Variants in ARL10 observed in about 807,000 individuals in gnomAD.
ARL10 encodes ARF like GTPase 10.
A neutral mutation model predicts 26.1 loss-of-function variants in ARL10; 23 were observed. That is an observed-to-expected ratio of 0.88 (90% CI 0.63 to 1.25). ARL10 has a LOEUF of 1.25. Ranked by LOEUF, ARL10 falls within the 50% of genes most tolerant of loss-of-function variation. The pLI, the probability that ARL10 is intolerant of heterozygous loss-of-function variation, is 0.00. For missense variants in ARL10, 300 were observed against 323.6 expected (o/e 0.93, Z 0.56); for synonymous variants, 138 against 149.1 (o/e 0.93, Z 0.54).
chr5:176,393,380 C>T (rs1756344530), downstream of ARL10, among the ~76,000 whole-genome samples: 1 of 152,224 alleles, frequency 6.6e-6, no homozygotes, highest in African/African-American at 2.4e-5. The surrounding 1 kb of genome is among the most constrained non-coding windows in gnomAD (Gnocchi z 4.4). Flanking sequence ...AAAAACTTGG[C>T]AGAAGTAGGA....
intron 3 of ARL10, chr5:176,369,221 G>C: frequency 6.7e-7 from 1 of 1,498,694 alleles, no homozygotes; most frequent in Non-Finnish European, 8.9e-7. Context: ...CTATATGCCA[G>C]GCATGGTGTT....
At chr5:176,369,728 G>A (rs1768473673) in intron 3 of ARL10, among the ~76,000 whole-genome samples, 1 of 152,070 alleles carries the variant, frequency 6.6e-6, no homozygotes. Flanking sequence ...GGCCAAGGAA[G>A]GTGGATCATT....
In ARL10 at chr5:176,394,671, C is replaced by T. The variant is rs375241427; in HGVS notation, c.134-7070C>T. ...CTACTAAAAAATACACAAAATTAGC[C>T]GGGCATGGTGGCGGGCACCTGTAGT... On this transcript the variant is annotated intron_variant, in intron 1 of 1. Transcript: ENST00000514533. Among the ~76,000 whole-genome samples, 148 of 152,140 alleles carry T rather than the reference C, an allele frequency of 9.7e-4. 1 individual carries two copies. The highest frequency in any genetic ancestry group is 3.2e-3 in the African/African-American group (134 of 41,514).
At position 176,388,595 on chromosome 5, in the gene ARL10, G is replaced by T. The variant is rs892294018; in HGVS notation, c.*97G>T. 7 of 1,514,742 alleles carry T rather than the reference G, an allele frequency of 4.6e-6. No homozygotes were observed. The African/African-American group carries it at 6.9e-5, about 15-fold the overall frequency. The allele number at this position is 1,514,742 out of a possible 1,614,324, so 93.8% of individuals were successfully genotyped here. ...ACGCTGCCTCTGTCTCTCAGACCTC[G>T]TGTAACAAACTCCTTCCGGAAGGCG... On this transcript the variant is annotated 3_prime_UTR_variant, in exon 2 of 2. Coordinates refer to the ARL10 transcript ENST00000503175.
At chr5:176,388,418 C>T in exon 2 of ARL10, 2 of 1,613,876 alleles carry the variant, frequency 1.2e-6, no homozygotes, top group Non-Finnish European at 1.7e-6. Flanking sequence ...CCACCCGGAA[C>T]CCCAGCCCCC....
chr5:176,394,694 A>G (rs1190901931), intron 1 of ARL10, among the ~76,000 whole-genome samples: 2 of 152,134 alleles, frequency 1.3e-5, no homozygotes, highest in East Asian at 3.9e-4. Context: ...GGGCACCTGT[A>G]GTCCCAGCTA....
chr5:176,410,841 G>C, the ARL10 span, among the ~76,000 whole-genome samples: 1 of 152,188 alleles, frequency 6.6e-6, no homozygotes, highest in South Asian at 2.1e-4. Context: ...GAAGCACCTG[G>C]CATATTTTTT....
At chr5:176,369,400 T>G (rs1768452896) in intron 3 of ARL10, 2 of 403,118 alleles carry the variant, frequency 5.0e-6, no homozygotes, top group Admixed American at 7.6e-5. Flanking sequence ...ACCCAGCCAA[T>G]TTTTGTATTT....
rs1755501481 is a variant in ARL10, at chr5:176,379,579, G to A, written c.*7684G>A. 2 of 152,180 alleles carry A rather than the reference G, an allele frequency of 1.3e-5. No homozygotes were observed. 9.4% of individuals were successfully genotyped at this position (152,180 alleles called of 1,614,324 possible). On this transcript the variant is annotated 3_prime_UTR_variant, in exon 4 of 4. Coordinates refer to ENST00000310389, the MANE Select transcript of ARL10 (RefSeq NM_173664.6). ...CCATCCTGGTTATATTTCTTAATTA[G>A]ACTGCGAAGTTCTGAATGAAGTCCT... is the stretch of plus-strand genomic sequence containing the variant.
chr5:176,392,913 T>G, downstream of ARL10: 1 of 1,614,162 alleles, frequency 6.2e-7, no homozygotes, highest in Non-Finnish European at 8.5e-7. The surrounding 1 kb of genome is among the most constrained non-coding windows in gnomAD (Gnocchi z 5.2). Flanking sequence ...GGTCTCCTCC[T>G]TGGATTCCTT....
downstream of ARL10, among the ~76,000 whole-genome samples, chr5:176,391,025 G>A (rs1194007008): frequency 6.6e-6 from 1 of 152,170 alleles, no homozygotes; most frequent in East Asian, 1.9e-4. Context: ...TGATTGTACT[G>A]TTTTCAACAC....
At chr5:176,406,157 C>T (rs1757112195), downstream of ARL10, 1 of 987,298 alleles carries the variant, frequency 1.0e-6, no homozygotes, top group Non-Finnish European at 1.2e-6. Context: ...GTTTAATCAC[C>T]TGAGCATCTC....
chr5:176,410,204 A>T, the ARL10 span: 1 of 1,499,754 alleles, frequency 6.7e-7, no homozygotes, highest in Non-Finnish European at 9.3e-7. Flanking sequence ...GCTTTAGGTT[A>T]CTGAGACCAG....
chr5:176,372,858 C>T lies in ARL10; in HGVS notation c.*963C>T. The T allele has an allele frequency of 2.5e-6, 1 of 398,708 alleles. No homozygotes were observed. The highest frequency in any genetic ancestry group is 4.4e-6 in the Non-Finnish European group (1 of 226,044). 24.7% of individuals were successfully genotyped at this position (398,708 alleles called of 1,614,324 possible). On this transcript the variant is annotated 3_prime_UTR_variant, in exon 4 of 4. Transcript: ENST00000310389. Reference sequence around the variant, plus strand: ...AGGCTCTGTTTCTAGGTGCTGTTTTCAAAACCCCAGATGACAGTCATAGAA... The same window carrying T: ...AGGCTCTGTTTCTAGGTGCTGTTTTTAAAACCCCAGATGACAGTCATAGAA...
downstream of ARL10, among the ~76,000 whole-genome samples, chr5:176,404,408 G>A (rs1300847792): frequency 6.6e-6 from 1 of 152,354 alleles, no homozygotes. Flanking sequence ...ACAGCCCTTT[G>A]GGGCAGCGGA....
intron 3 of ARL10, 123 bp downstream of exon 3, chr5:176,369,105 C>G (rs1768440305): frequency 3.9e-6 from 6 of 1,537,550 alleles, no homozygotes; most frequent in Non-Finnish European, 5.2e-6. Context: ...GCCCCCACCT[C>G]TTCTACCTAT....
rs946071988 is a variant in ARL10 at position 176,371,749 on chromosome 5, G to C, written c.589G>C (p.Glu197Gln). Reference sequence around the variant, plus strand: ...CCTGAGCGAGGCCATGAGTATGGGGGAGCTGCAGCGGGAGCTGGGTCTACA... The same window carrying C: ...CCTGAGCGAGGCCATGAGTATGGGGCAGCTGCAGCGGGAGCTGGGTCTACA... Reference protein sequence around the residue: ...QDLSEAMSMGELQRELGLQAI... With the variant: ...QDLSEAMSMGQLQRELGLQAI... The change falls in exon 4 of 4, where the codon GAG becomes CAG. Residue 197 changes from glutamate (E) to glutamine (Q), a missense_variant. Glu to Gln is a conservative substitution (Grantham distance 29). Transcript: ENST00000310389. The C allele has an allele frequency of 3.7e-6, 6 of 1,614,228 alleles. No individual in the cohort carries two copies. Among genetic ancestry groups the C allele is most frequent in the South Asian group, 1.1e-5 (1 of 91,092 alleles).
At chr5:176,413,755 G>A in the ARL10 span, among the ~76,000 whole-genome samples, 2 of 152,204 alleles carry the variant, frequency 1.3e-5, no homozygotes, top group Non-Finnish European at 2.9e-5. Flanking sequence ...GGCTGAGAAG[G>A]TCAGATCAAT....
At chr5:176,414,523 C>T in the ARL10 span, among the ~76,000 whole-genome samples, 1 of 151,856 alleles carries the variant, frequency 6.6e-6, no homozygotes, top group African/African-American at 2.4e-5. Flanking sequence ...CCTACCTACA[C>T]CTCCCGGGCT....
Sources: gnomAD v4.1 joint callset for allele counts (sites outside exome capture counted in the v4.1 genomes callset) on GRCh38, gnomAD v4.1.1 for gene constraint, Gnocchi (gnomAD v3.1) non-coding constraint, MANE v1.5 for transcripts, NCBI Gene and HGNC (gene_info 2026-07-23, HGNC 2026-07-21) for gene names.